Variants in JMJD1C observed in about 807,000 individuals in gnomAD.
JMJD1C encodes the protein jumonji domain-containing protein 1C.
Under a neutral mutation model 245.3 loss-of-function variants are expected in JMJD1C, and 31 were observed. The observed-to-expected ratio is 0.13, with a 90% CI of 0.09 to 0.17. JMJD1C has a LOEUF of 0.17. Ranked by LOEUF, JMJD1C falls within the 10% of genes least tolerant of loss-of-function variation. The pLI is 1.00. For synonymous variants in JMJD1C, 1,057 were observed against 1,017.4 expected (o/e 1.04, Z -0.74); for missense variants, 2,691 against 3,000.2 (o/e 0.90, Z 2.41).
At chr10:63,252,534 T>C (rs938701919) in intron 3 of JMJD1C, among the ~76,000 whole-genome samples, 3 of 152,188 alleles carry the variant, frequency 2.0e-5, no homozygotes, top group Non-Finnish European at 4.4e-5. Context: ...TGGTCTACCA[T>C]GTGGAATTTG....
intron 1 of JMJD1C, among the ~76,000 whole-genome samples, chr10:63,413,099 T>C (rs897223234): frequency 2.0e-5 from 3 of 152,174 alleles, no homozygotes; most frequent in Non-Finnish European, 4.4e-5. Context: ...CAGTTCAGTG[T>C]TACCTTAAGA....
At position 63,269,078 on chromosome 10, in the gene JMJD1C, C is replaced by A. The variant is rs41274078; in HGVS notation, c.334-4314G>T. 4,624 of 985,420 alleles carry A rather than the reference C, an allele frequency of 4.7e-3. 15 individuals are homozygous for A. Among genetic ancestry groups the A allele is most frequent in the Non-Finnish European group, 5.1e-3 (4,261 of 829,958 alleles). 61.0% of individuals were successfully genotyped at this position (985,420 alleles called of 1,614,324 possible). A position where few individuals can be genotyped will look rare whatever the true frequency, so the allele number is the denominator to read the frequency against. On this transcript the variant is annotated intron_variant, in intron 2 of 25. Coordinates refer to ENST00000399262, the MANE Select transcript of JMJD1C (RefSeq NM_032776.3). ...CGATCTGGGTCAGGATAATTTCTCT[C>A]GAGGTCGCTTACATAACCAGTAAGA... is the stretch of plus-strand genomic sequence containing the variant.
chr10:63,253,723 G>A (rs1465569581), intron 3 of JMJD1C, among the ~76,000 whole-genome samples: 1 of 152,068 alleles, frequency 6.6e-6, no homozygotes, highest in East Asian at 1.9e-4. Flanking sequence ...TGCACCAGGC[G>A]CGGTGGTATT....
At position 63,275,023 on chromosome 10, in the gene JMJD1C, CT is replaced by C. The variant is rs936567054; in HGVS notation, c.334-10260del. The stretch of plus-strand genomic sequence containing the variant: ...CCAGCCTGGGCAACATTGCAAGATG[CT>C]GTCTCTAAAAATATAGGTATTTTTA... On this transcript the variant is annotated intron_variant, in intron 2 of 25. Coordinates refer to ENST00000399262, the MANE Select transcript of JMJD1C (RefSeq NM_032776.3). Among the ~76,000 whole-genome samples the C allele has an allele frequency of 5.5e-4, 84 of 152,188 alleles. 1 individual carries two copies. The East Asian group carries it at 0.016, about 29-fold the overall frequency.
chr10:63,421,282 C>T (rs904261399), intron 1 of JMJD1C, among the ~76,000 whole-genome samples: 1 of 152,040 alleles, frequency 6.6e-6, no homozygotes, highest in East Asian at 1.9e-4. Context: ...TGAGGTGAGC[C>T]GAGATCGCCC....
chr10:63,380,249 T>G (rs1022483021), intron 2 of JMJD1C, 69 bp downstream of exon 2: 1 of 1,533,522 alleles, frequency 6.5e-7, no homozygotes, highest in Non-Finnish European at 9.0e-7. Context: ...TGGCCTTTGT[T>G]TTGTTGTTGT....
At chr10:63,291,223 G>A (rs1317049621) in intron 2 of JMJD1C, among the ~76,000 whole-genome samples, 1 of 145,064 alleles carries the variant, frequency 6.9e-6, no homozygotes, top group South Asian at 2.2e-4. Context: ...CAGGAGAATC[G>A]CTTGAACCCG....
intron 1 of JMJD1C, among the ~76,000 whole-genome samples, chr10:63,414,208 G>C (rs879595220): frequency 9.9e-5 from 15 of 152,030 alleles, no homozygotes; most frequent in African/African-American, 3.6e-4. Flanking sequence ...GGATGGTCTC[G>C]ATCTCCTGAC....
chr10:63,198,343 C>T (rs1158947462), intron 12 of JMJD1C, among the ~76,000 whole-genome samples, 170 bp downstream of exon 12: 1 of 152,098 alleles, frequency 6.6e-6, no homozygotes, highest in Non-Finnish European at 1.5e-5. Flanking sequence ...ACTCAATTCA[C>T]CCTCTATAGG....
intron 2 of JMJD1C, among the ~76,000 whole-genome samples, chr10:63,331,151 G>A (rs914625218): frequency 1.3e-5 from 2 of 152,062 alleles, no homozygotes; most frequent in African/African-American, 4.8e-5. Flanking sequence ...CTAAAACAAA[G>A]TTTTTTCTCT....
At chr10:63,477,040 C>A (rs1953684317) in intron 1 of JMJD1C, among the ~76,000 whole-genome samples, 1 of 152,098 alleles carries the variant, frequency 6.6e-6, no homozygotes, top group African/African-American at 2.4e-5. Flanking sequence ...CTAAGAGACA[C>A]AAACTGTAGA....
At chr10:63,252,278 C>T (rs1853197177) in intron 3 of JMJD1C, among the ~76,000 whole-genome samples, 1 of 152,108 alleles carries the variant, frequency 6.6e-6, no homozygotes, top group African/African-American at 2.4e-5. Flanking sequence ...GAAATGTTGC[C>T]TAGTGGTCTG....
intron 2 of JMJD1C, among the ~76,000 whole-genome samples, chr10:63,364,247 G>A (rs986836466): frequency 5.9e-5 from 9 of 152,004 alleles, no homozygotes; most frequent in African/African-American, 1.4e-4. Flanking sequence ...GGGCTCAAGC[G>A]GTTCTCCCAC....
chr10:63,200,616 C>T lies in JMJD1C; in HGVS notation c.5136G>A (p.Gly1712=), dbSNP rs775248033. 6.8e-6 allele frequency: 11 copies of T among 1,613,922 alleles called. No individual in the cohort carries two copies. The East Asian group carries it at 2.5e-4, about 36-fold the overall frequency. Residue 1712 remains glycine, a synonymous_variant, in exon 11 of 26, where the codon GGG becomes GGA. Coordinates refer to ENST00000399262, the MANE Select transcript of JMJD1C (RefSeq NM_032776.3). ...AGGAGTCATCCTGTAAAAAGGATTC[C>T]CCAGTTTGCTTCAGCTTCTTGACTT... ...WRKVKKLKQT[G]ESFLQDDSCC...
At chr10:63,286,010 C>T (rs1172389871) in intron 2 of JMJD1C, among the ~76,000 whole-genome samples, 1 of 116,714 alleles carries the variant, frequency 8.6e-6, no homozygotes, top group Non-Finnish European at 1.7e-5. Flanking sequence ...AATGCATATT[C>T]CTGTGCTCCA....
chr10:63,392,901 C>CACGT (rs1476482239), intron 1 of JMJD1C, among the ~76,000 whole-genome samples: 1 of 149,104 alleles, frequency 6.7e-6, no homozygotes, highest in African/African-American at 2.5e-5. Flanking sequence ...CACACACACA[C>CACGT]ACACACACGT....
intron 2 of JMJD1C, among the ~76,000 whole-genome samples, chr10:63,370,822 TGAA>T (rs994957517): frequency 2.6e-5 from 4 of 152,250 alleles, no homozygotes; most frequent in African/African-American, 9.6e-5. Flanking sequence ...ATAACTCATT[TGAA>T]GAAGACTACC....
At chr10:63,307,551 A>C (rs1299213929) in intron 2 of JMJD1C, among the ~76,000 whole-genome samples, 1 of 152,206 alleles carries the variant, frequency 6.6e-6, no homozygotes, top group Non-Finnish European at 1.5e-5. Flanking sequence ...CCTGAATTCC[A>C]GCCTGACAGA....
At chr10:63,211,082 G>A (rs1424650369) in intron 8 of JMJD1C, among the ~76,000 whole-genome samples, 1 of 152,166 alleles carries the variant, frequency 6.6e-6, no homozygotes, top group Non-Finnish European at 1.5e-5. Context: ...GTTTGCAACA[G>A]GAATAAACCA....
Sources: gnomAD v4.1 joint callset for allele counts (sites outside exome capture counted in the v4.1 genomes callset) on GRCh38, gnomAD v4.1.1 for gene constraint, MANE v1.5 for transcripts, NCBI Gene and HGNC (gene_info 2026-07-23, HGNC 2026-07-21) for gene names.